Variants in TTLL5 observed in about 807,000 individuals in gnomAD.
The protein encoded by TTLL5 is tubulin tyrosine ligase like 5.
In TTLL5, 132 loss-of-function variants were observed where a neutral mutation model predicts 168.4. That is an observed-to-expected ratio of 0.78 (90% CI 0.68 to 0.91). The LOEUF (loss-of-function observed/expected upper bound fraction) is 0.91, where lower values mean the gene tolerates loss of function less well. Among genes scored for constraint, TTLL5 ranks in the 40% least tolerant of loss-of-function variants. TTLL5 has a pLI of 0.00. For synonymous variants in TTLL5, 546 were observed against 558.6 expected (o/e 0.98, Z 0.32); for missense variants, 1,545 against 1,581.5 (o/e 0.98, Z 0.39).
Position 75,707,077 on chromosome 14 carries a change from G to A in TTLL5, c.645G>A (p.Leu215=), listed in dbSNP as rs749750675. The change falls in exon 8 of 32, where the codon CTG becomes CTA. Residue 215 remains leucine, a synonymous_variant. Transcript: ENST00000298832. ...TCTCCCGTTACATTAACAACCCCCTGCTCATAGATGGTGAGTTGTGATTAG... is the reference window on the plus strand; with the variant it reads ...TCTCCCGTTACATTAACAACCCCCTACTCATAGATGGTGAGTTGTGATTAG... ...ILVSRYINNP[L]LIDDFKFDVR... 1 of 1,612,444 alleles carries A rather than the reference G, an allele frequency of 6.2e-7. No individual in the cohort carries two copies. The highest frequency in any genetic ancestry group is 2.2e-5 in the East Asian group (1 of 44,784).
chr14:75,814,362 C>G (rs1294714354), intron 27 of TTLL5: 2 of 152,138 alleles, frequency 1.3e-5, no homozygotes, highest in East Asian at 3.8e-4. Context: ...TTATCACTTT[C>G]TCTTCATTTG....
At chr14:75,683,450 TG>T in intron 4 of TTLL5, 99 bp from the exon 5 acceptor site, 1 of 954,060 alleles carries the variant, frequency 1.0e-6, no homozygotes, top group Non-Finnish European at 1.7e-6. Context: ...GAGTACACTG[TG>T]GATGAAAAAA....
intron 7 of TTLL5, among the ~76,000 whole-genome samples, chr14:75,701,172 C>T (rs577648682): frequency 1.3e-5 from 2 of 152,050 alleles, no homozygotes; most frequent in Non-Finnish European, 2.9e-5. Context: ...TTCTGATTTG[C>T]TTTATTTTTA....
intron 29 of TTLL5, among the ~76,000 whole-genome samples, chr14:75,875,973 ATG>A (rs947394305): frequency 1.3e-5 from 2 of 152,214 alleles, no homozygotes; most frequent in African/African-American, 2.4e-5. Flanking sequence ...CTTTTTATGT[ATG>A]TGTGTGTGAT....
intron 7 of TTLL5, 62 bp from the exon 8 acceptor site, chr14:75,706,956 C>T (rs1181218406): frequency 3.5e-6 from 5 of 1,410,684 alleles, no homozygotes; most frequent in Non-Finnish European, 5.0e-6. Flanking sequence ...ACTTTGCTCC[C>T]TTATTGTAAA....
chr14:75,954,787 G>A lies in TTLL5; in HGVS notation c.*341G>A, dbSNP rs776098867. 1.7e-5 allele frequency: 5 copies of A among 302,026 alleles called. No homozygotes were observed. The highest frequency in any genetic ancestry group is 3.1e-5 in the Non-Finnish European group (5 of 162,554). The allele number at this position is 302,026 out of a possible 1,614,324, so 18.7% of individuals were successfully genotyped here. A position where few individuals can be genotyped will look rare whatever the true frequency, so the allele number is the denominator to read the frequency against. On this transcript the variant is annotated 3_prime_UTR_variant, in exon 32 of 32. Transcript: ENST00000298832. Reference sequence around the variant, plus strand: ...AGGTCTTCTCTGTCCCTTTACTGCTGCTGCACAGAGATGATATAAAAGAGG... The same window carrying A: ...AGGTCTTCTCTGTCCCTTTACTGCTACTGCACAGAGATGATATAAAAGAGG...
Position 75,679,695 on chromosome 14 carries a change from A to G in TTLL5, c.182-1850A>G, listed in dbSNP as rs189540908. Among the ~76,000 whole-genome samples the G allele has an allele frequency of 2.4e-3, 368 of 152,224 alleles. 2 individuals are homozygous for G. Among genetic ancestry groups the G allele is most frequent in the African/African-American group, 8.5e-3 (353 of 41,518 alleles). ...AGCTCTTAGTGACATGTCCCTAATC[A>G]GTTTTTGAGTATTTCCCTTTTTTGA... On this transcript the variant is annotated intron_variant, in intron 3 of 31. Transcript: ENST00000298832.
At position 75,708,457 on chromosome 14, in the gene TTLL5, C is replaced by G. The variant is rs143692447; in HGVS notation, c.740+750C>G. 2.0e-5 allele frequency among the ~76,000 whole-genome samples: 3 copies of G among 152,044 alleles called. No individual in the cohort carries two copies. In the East Asian group the frequency reaches 5.8e-4, roughly 29 times the overall value. On this transcript the variant is annotated intron_variant, in intron 9 of 31. Transcript: ENST00000298832. ...TCTCCTGCCTCAGCCTCCTGAGTAG[C>G]TGGGACAACAGGTGCCCCCCACCAT...
intron 5 of TTLL5, 48 bp downstream of exon 5, chr14:75,683,704 T>A: frequency 7.0e-7 from 1 of 1,431,280 alleles, no homozygotes; most frequent in African/African-American, 1.4e-5. Flanking sequence ...TACATGACAT[T>A]GGGGCATGTA....
chr14:75,680,349 C>T (rs934882851), intron 3 of TTLL5, among the ~76,000 whole-genome samples: 3 of 152,138 alleles, frequency 2.0e-5, no homozygotes, highest in Non-Finnish European at 4.4e-5. Context: ...AGGTGCAGTT[C>T]TCCAGCTGAT....
At chr14:75,757,905 T>C in intron 18 of TTLL5, 1 of 1,577,110 alleles carries the variant, frequency 6.3e-7, no homozygotes. Context: ...ATGCTTTCCA[T>C]GTGCATAATG....
intron 15 of TTLL5, among the ~76,000 whole-genome samples, chr14:75,738,320 A>G (rs191680830): frequency 6.6e-6 from 1 of 152,344 alleles, no homozygotes; most frequent in African/African-American, 2.4e-5. Context: ...ATTCTCATAT[A>G]TAAACGTGTC....
At chr14:75,690,682 C>T (rs867279613) in intron 6 of TTLL5, among the ~76,000 whole-genome samples, 2 of 151,686 alleles carry the variant, frequency 1.3e-5, no homozygotes, top group African/African-American at 2.4e-5. Flanking sequence ...CACAGTGGCA[C>T]GATCATGGCT....
At chr14:75,872,519 C>T (rs868643965) in intron 29 of TTLL5, among the ~76,000 whole-genome samples, 3 of 152,058 alleles carry the variant, frequency 2.0e-5, no homozygotes, top group African/African-American at 7.2e-5. Flanking sequence ...TTGGTTTCTT[C>T]TGTAAATGGT....
chr14:75,835,793 A>G (rs1895832629), intron 28 of TTLL5, among the ~76,000 whole-genome samples: 1 of 152,224 alleles, frequency 6.6e-6, no homozygotes, highest in African/African-American at 2.4e-5. Context: ...GTATATGAAA[A>G]ATACTCAGCA....
At chr14:75,757,429 A>G (rs907688577) in intron 18 of TTLL5, among the ~76,000 whole-genome samples, 4 of 152,224 alleles carry the variant, frequency 2.6e-5, no homozygotes, top group Admixed American at 6.5e-5. Flanking sequence ...CCAGAGGCTC[A>G]GATGTAAGCC....
intron 29 of TTLL5, among the ~76,000 whole-genome samples, chr14:75,875,029 G>T (rs2031368565): frequency 7.0e-6 from 1 of 143,450 alleles, no homozygotes; most frequent in African/African-American, 2.6e-5. Context: ...CGCCTCCCGG[G>T]TTCACACCAT....
intron 27 of TTLL5, among the ~76,000 whole-genome samples, chr14:75,816,974 ATTTTTTTT>A (rs35736530): frequency 9.4e-5 from 9 of 96,096 alleles, no homozygotes; most frequent in African/African-American, 3.4e-4. Flanking sequence ...TCCCTGTCTT[ATTTTTTTT>A]TTTTTTTTTT....
chr14:75,855,029 A>G (rs754520675), intron 28 of TTLL5, among the ~76,000 whole-genome samples: 4 of 152,088 alleles, frequency 2.6e-5, no homozygotes, highest in Non-Finnish European at 2.9e-5. Context: ...GTAGTTTTAT[A>G]GTAGTCTTGA....
Sources: allele counts gnomAD v4.1 joint callset (sites outside exome capture counted in the v4.1 genomes callset), GRCh38; gene constraint gnomAD v4.1.1; transcripts MANE v1.5; gene names NCBI Gene and HGNC (gene_info 2026-07-23, HGNC 2026-07-21).